The following CACNB1 variants were observed in gnomAD, a reference collection of about 807,000 sequenced individuals.
The protein encoded by CACNB1 is calcium voltage-gated channel auxiliary subunit beta 1, also known as voltage-dependent L-type calcium channel subunit beta-1.
Under a neutral mutation model 71.6 loss-of-function variants are expected in CACNB1, and 29 were observed. That is an observed-to-expected ratio of 0.40 (90% CI 0.30 to 0.55). CACNB1 has a LOEUF of 0.55. CACNB1 is among the 20% of genes least tolerant of loss of function. The probability of loss-of-function intolerance (pLI) is 0.38; values close to 1 mark genes in which losing one functional copy is unlikely to be tolerated. For synonymous variants in CACNB1, 300 were observed against 319.6 expected (o/e 0.94, Z 0.65); for missense variants, 623 against 801.8 (o/e 0.78, Z 2.69).
At chr17:39,193,519 G>A (rs1277297208) in intron 2 of CACNB1, 11 of 440,374 alleles carry the variant, frequency 2.5e-5, no homozygotes, top group Non-Finnish European at 2.3e-5. Context: ...CCTAGGGGGT[G>A]GCCCAAACTG....
In CACNB1 at chr17:39,174,360, C is replaced by T. The variant is rs79702560; in HGVS notation, c.*833G>A. ...AGCAGTTTTTTGGTTTAAAATGAGGCGGACCAGAGTGTTCCATGGGCTCCA... is the reference window on the plus strand; with the variant it reads ...AGCAGTTTTTTGGTTTAAAATGAGGTGGACCAGAGTGTTCCATGGGCTCCA... On this transcript the variant is annotated 3_prime_UTR_variant, in exon 14 of 14. Coordinates refer to ENST00000394303, the MANE Select transcript of CACNB1 (RefSeq NM_000723.5). The T allele has an allele frequency of 3.8e-3, 578 of 152,644 alleles. 10 individuals are homozygous for T. The highest frequency in any genetic ancestry group is 0.035 in the East Asian group (180 of 5,186). The allele number at this position is 152,644 out of a possible 1,614,324, so 9.5% of individuals were successfully genotyped here.
Position 39,186,122 on chromosome 17 carries a change from G to T in CACNB1, c.628+374C>A, listed in dbSNP as rs1416944317. On this transcript the variant is annotated intron_variant, in intron 6 of 13. Coordinates refer to ENST00000394303, the MANE Select transcript of CACNB1 (RefSeq NM_000723.5). This position sits in a 1 kb window ranked among gnomAD's most constrained non-coding sequence, Gnocchi z 4.1. The stretch of plus-strand genomic sequence containing the variant: ...TTCATTACCTGGACCGGAGAGTCAG[G>T]AGAGAGGGAGGAGGGAGGCGAGGTG... The T allele has an allele frequency of 6.2e-7, 1 of 1,612,092 alleles. No homozygotes were observed.
At chr17:39,183,313 C>T (rs988432858) in intron 11 of CACNB1, among the ~76,000 whole-genome samples, 3 of 142,504 alleles carry the variant, frequency 2.1e-5, no homozygotes, top group Non-Finnish European at 4.7e-5. Flanking sequence ...GCCTGGGTGA[C>T]AGAGCGAGAT....
Position 39,197,579 on chromosome 17 carries a change from G to C in CACNB1, c.-84C>G. The C allele has an allele frequency of 9.4e-7, 1 of 1,065,476 alleles. No individual in the cohort carries two copies. The highest frequency in any genetic ancestry group is 3.2e-5 in the East Asian group (1 of 31,340). 66.0% of individuals were successfully genotyped at this position (1,065,476 alleles called of 1,614,324 possible). ...GGAGAGGCCGTGGGAGCCGAAAGCA[G>C]CGCGGCGCAGCCAGCACCCGGTCCA... On this transcript the variant is annotated 5_prime_UTR_variant, in exon 1 of 14. Transcript: ENST00000394303.
At chr17:39,193,215 GACAC>G (rs1242641494) in intron 2 of CACNB1, 8 of 285,302 alleles carry the variant, frequency 2.8e-5, no homozygotes, top group South Asian at 1.9e-4. Flanking sequence ...TGTGCGGGCA[GACAC>G]ACACACATAT....
Position 39,194,278 on chromosome 17 carries a change from G to C in CACNB1, c.171+606C>G, listed in dbSNP as rs56201970. Among the ~76,000 whole-genome samples, 79 of 152,250 alleles carry C rather than the reference G, an allele frequency of 5.2e-4. No individual in the cohort carries two copies. In the East Asian group the frequency reaches 0.014, roughly 26 times the overall value. Reference sequence around the variant, plus strand: ...TACTGACTGAGCACAGAAGACCCCAGAAAGCTATTCTCAGTTACACCCTTT... The same window carrying C: ...TACTGACTGAGCACAGAAGACCCCACAAAGCTATTCTCAGTTACACCCTTT... On this transcript the variant is annotated intron_variant, in intron 2 of 13. Transcript: ENST00000394303. This position sits in a 1 kb window ranked among gnomAD's most constrained non-coding sequence, Gnocchi z 4.6.
At chr17:39,196,426 C>T (rs1302495725) in intron 1 of CACNB1, among the ~76,000 whole-genome samples, 1 of 152,128 alleles carries the variant, frequency 6.6e-6, no homozygotes, top group Non-Finnish European at 1.5e-5. Flanking sequence ...GCCTCCCAGG[C>T]TCAAAGGGGC....
At position 39,186,900 on chromosome 17, in the gene CACNB1, C is replaced by A. The variant is rs1326513718; in HGVS notation, c.444G>T (p.Arg148=). ...CAACCTCACAGCCCTCCTTCACCAG[C>A]CGCCCGATCCACCAGTCATTATTGT... is the stretch of plus-strand genomic sequence containing the variant. ...EKYNNDWWIG[R]LVKEGCEVGF... is the part of the protein sequence containing the mutation. Residue 148 remains arginine (R), a synonymous_variant, in exon 5 of 14, where the codon CGG becomes CGT. Coordinates refer to ENST00000394303, the MANE Select transcript of CACNB1 (RefSeq NM_000723.5). The surrounding 1 kb of genome is among the most constrained non-coding windows in gnomAD (Gnocchi z 4.1). The A allele has an allele frequency of 6.2e-7, 1 of 1,614,168 alleles. No homozygotes were observed. Among genetic ancestry groups the A allele is most frequent in the Non-Finnish European group, 8.5e-7 (1 of 1,179,998 alleles).
Position 39,178,175 on chromosome 17 carries a change from C to A in CACNB1, c.1051-96G>T. On this transcript the variant is annotated intron_variant, in intron 11 of 13. Transcript: ENST00000394303. ...GTCCTGGTTGGATCAGCATGGAGAGCCAGTGTCAAGACCCTTGAATGCTCC... is the reference window on the plus strand; with the variant it reads ...GTCCTGGTTGGATCAGCATGGAGAGACAGTGTCAAGACCCTTGAATGCTCC... The A allele has an allele frequency of 4.6e-6, 4 of 864,762 alleles. No homozygotes were observed. In the South Asian group the frequency reaches 5.4e-5, roughly 12 times the overall value. 53.6% of individuals were successfully genotyped at this position (864,762 alleles called of 1,614,324 possible). A position where few individuals can be genotyped will look rare whatever the true frequency, so the allele number is the denominator to read the frequency against.
intron 13 of CACNB1, chr17:39,177,092 C>T: frequency 7.2e-7 from 1 of 1,394,638 alleles, no homozygotes; most frequent in Non-Finnish European, 9.3e-7. Flanking sequence ...AGGAAGACAG[C>T]ACCAGAAGCC....
intron 11 of CACNB1, among the ~76,000 whole-genome samples, chr17:39,183,368 G>GAAGAAGAAGAAGAAGAAGAAGAAGAA (rs1433401577): frequency 8.3e-5 from 12 of 143,842 alleles, no homozygotes; most frequent in East Asian, 4.3e-4. Flanking sequence ...GAAGAAGAAA[G>GAAGAAGAAGAAGAAGAAGAAGAAGAA]GAAAGACCTC....
intron 2 of CACNB1, chr17:39,193,316 G>C: frequency 2.9e-6 from 1 of 344,526 alleles, no homozygotes; most frequent in Non-Finnish European, 5.9e-6. Context: ...GCATACACAC[G>C]CACACATCAG....
intron 11 of CACNB1, 66 bp from the exon 12 acceptor site, chr17:39,178,145 G>A (rs1432922780): frequency 3.3e-6 from 4 of 1,199,094 alleles, no homozygotes; most frequent in Middle Eastern, 1.9e-4. Flanking sequence ...CAGTCAGAGA[G>A]GCGGGTCCTG....
intron 2 of CACNB1, chr17:39,192,573 C>G (rs1463114403): frequency 2.0e-5 from 3 of 152,494 alleles, no homozygotes; most frequent in African/African-American, 7.3e-5. Flanking sequence ...GGTTGGGGGA[C>G]ATGTGAGGGC....
intron 11 of CACNB1, among the ~76,000 whole-genome samples, chr17:39,179,098 C>A (rs2045672997): frequency 6.6e-6 from 1 of 151,412 alleles, no homozygotes; most frequent in African/African-American, 2.4e-5. Context: ...TCGAGACCAT[C>A]CTGGCTAACA....
chr17:39,188,117 C>A lies in CACNB1; in HGVS notation c.292-516G>T, dbSNP rs558506827. ...CCAACATGGTGAAACTCTGCCTCTA[C>A]TAAAAATACAAAAAAATTAGCTGGG... On this transcript the variant is annotated intron_variant, in intron 3 of 13. Transcript: ENST00000394303. Among the ~76,000 whole-genome samples the A allele has an allele frequency of 3.7e-3, 564 of 151,950 alleles. 4 individuals are homozygous for A. Among genetic ancestry groups the A allele is most frequent in the Non-Finnish European group, 4.9e-3 (332 of 67,994 alleles).
rs754223899 is a variant in CACNB1, at chr17:39,184,817, G to A, written c.696C>T (p.Ile232=). Reference sequence around the variant, plus strand: ...CCTTGAGCGACGGTCCCACCAGGATGATGGGCCTCATGGAAGGCACCACGT... The same window carrying A: ...CCTTGAGCGACGGTCCCACCAGGATAATGGGCCTCATGGAAGGCACCACGT... ...PYDVVPSMRP[I]ILVGPSLKGY... is the part of the protein sequence containing the mutation. Residue 232 remains isoleucine (I), a synonymous_variant, in exon 8 of 14, where the codon ATC becomes ATT. Coordinates refer to ENST00000394303, the MANE Select transcript of CACNB1 (RefSeq NM_000723.5). 1.9e-6 allele frequency: 3 copies of A among 1,612,608 alleles called. No homozygotes were observed. The African/African-American group carries it at 4.0e-5, about 22-fold the overall frequency.
Position 39,184,643 on chromosome 17 carries a change from GGGC to G in CACNB1, c.729+138_729+140del. 1.9e-5 allele frequency: 13 copies of G among 671,932 alleles called. No individual in the cohort carries two copies. In the South Asian group the frequency reaches 2.1e-4, roughly 11 times the overall value. 41.6% of individuals were successfully genotyped at this position (671,932 alleles called of 1,614,324 possible). On this transcript the variant is annotated intron_variant, in intron 8 of 13. Transcript: ENST00000394303. ...CTCTGAGTGGGTCTTTCTGTGGATT[GGGC>G]CCCCTGGGGGTTGTCTCTGAAAGTC...
In CACNB1 at chr17:39,173,672, G is replaced by C. The variant is rs913937144; in HGVS notation, c.*1521C>G. Reference sequence around the variant, plus strand: ...ATCAAAGGATCATCTTTTCTTTTGAGTCAATGACTCAGGGCACAACATCTT... The same window carrying C: ...ATCAAAGGATCATCTTTTCTTTTGACTCAATGACTCAGGGCACAACATCTT... On this transcript the variant is annotated 3_prime_UTR_variant, in exon 14 of 14. Coordinates refer to ENST00000394303, the MANE Select transcript of CACNB1 (RefSeq NM_000723.5). 1.3e-5 allele frequency: 2 copies of C among 152,390 alleles called. No homozygotes were observed. Among genetic ancestry groups the C allele is most frequent in the African/African-American group, 4.8e-5 (2 of 41,444 alleles). The allele number at this position is 152,390 out of a possible 1,614,324, so 9.4% of individuals were successfully genotyped here.
Sources: allele counts gnomAD v4.1 joint callset (sites outside exome capture counted in the v4.1 genomes callset), GRCh38; gene constraint gnomAD v4.1.1; non-coding constraint Gnocchi (gnomAD v3.1); transcripts MANE v1.5; gene names NCBI Gene and HGNC (gene_info 2026-07-23, HGNC 2026-07-21).